Variants in MAPRE2 observed in about 807,000 individuals in gnomAD.
MAPRE2 encodes microtubule associated protein RP/EB family member 2, also known as microtubule-associated protein RP/EB family member 2.
Under a neutral mutation model 43.2 loss-of-function variants are expected in MAPRE2, and 13 were observed. The ratio of observed to expected loss-of-function variants is 0.30; its 90% CI spans 0.20 to 0.48. The LOEUF is 0.48. MAPRE2 is among the 20% of genes least tolerant of loss of function. MAPRE2 has a pLI of 0.99. For missense variants in MAPRE2, 161 were observed against 400.2 expected (o/e 0.40, Z 5.10); for synonymous variants, 135 against 148.8 (o/e 0.91, Z 0.68).
intron 1 of MAPRE2, among the ~76,000 whole-genome samples, chr18:35,041,942 TC>T (rs918698171): frequency 2.6e-5 from 4 of 152,174 alleles, no homozygotes; most frequent in Non-Finnish European, 2.9e-5. Flanking sequence ...CATGCTGTTT[TC>T]CCCCGCTGTC....
At chr18:35,044,281 C>A (rs763241108) in intron 1 of MAPRE2, among the ~76,000 whole-genome samples, 4 of 152,162 alleles carry the variant, frequency 2.6e-5, no homozygotes, top group Non-Finnish European at 5.9e-5. Context: ...CCCAGGCTGG[C>A]ATGTAATGGC....
intron 1 of MAPRE2, among the ~76,000 whole-genome samples, chr18:34,991,534 C>T (rs116512007): frequency 3.3e-5 from 5 of 152,124 alleles, no homozygotes; most frequent in African/African-American, 1.2e-4. Flanking sequence ...TAATCATATT[C>T]CAGAATGCGT....
rs9807507 is a variant in MAPRE2, at chr18:34,996,652, T to C, written c.-69-8840T>C. Among the ~76,000 whole-genome samples, 1,355 of 152,252 alleles carry C rather than the reference T, an allele frequency of 8.9e-3. 25 individuals are homozygous for C. Among genetic ancestry groups the C allele is most frequent in the African/African-American group, 0.031 (1,283 of 41,542 alleles). On this transcript the variant is annotated intron_variant, in intron 1 of 7. Transcript: ENST00000413393. ...ATGGGATAAAGAATAACACCTCTTA[T>C]AGGGTTATTGGGAGGAGTAAATGAG...
intron 4 of MAPRE2, among the ~76,000 whole-genome samples, chr18:35,104,550 G>A (rs1046314018): frequency 2.0e-5 from 3 of 152,012 alleles, no homozygotes; most frequent in Non-Finnish European, 4.4e-5. Flanking sequence ...AGGGGAAATT[G>A]GAGTATGACG....
chr18:34,985,272 A>ATTTT (rs2097019179), intron 1 of MAPRE2, among the ~76,000 whole-genome samples: 1 of 27,872 alleles, frequency 3.6e-5, no homozygotes, highest in African/African-American at 1.3e-4. Context: ...TATATTATAT[A>ATTTT]ATATAATATA....
chr18:35,015,633 AGTGTGT>A (rs3082290), intron 2 of MAPRE2, among the ~76,000 whole-genome samples: 58,387 of 134,662 alleles, frequency 0.43, 13,444 homozygotes, highest in East Asian at 0.56. Flanking sequence ...TAGGGATGGC[AGTGTGT>A]GTGTGTGTGT....
At chr18:34,986,542 A>T (rs1009364730) in intron 1 of MAPRE2, among the ~76,000 whole-genome samples, 1 of 152,092 alleles carries the variant, frequency 6.6e-6, no homozygotes, top group African/African-American at 2.4e-5. Flanking sequence ...CTTGCCCTCT[A>T]TTGTGATTTT....
intron 2 of MAPRE2, among the ~76,000 whole-genome samples, chr18:35,074,008 G>A (rs893102254): frequency 1.3e-5 from 2 of 152,140 alleles, no homozygotes; most frequent in South Asian, 4.2e-4. Context: ...TAATTATATG[G>A]GTATCTGGTT....
intron 3 of MAPRE2, among the ~76,000 whole-genome samples, chr18:35,100,698 T>C (rs1908634925): frequency 6.6e-6 from 1 of 152,194 alleles, no homozygotes; most frequent in Non-Finnish European, 1.5e-5. Flanking sequence ...CTATAATCTT[T>C]ATATGAGTGT....
intron 2 of MAPRE2, among the ~76,000 whole-genome samples, chr18:35,013,563 G>A (rs994713534): frequency 1.3e-5 from 2 of 152,038 alleles, no homozygotes; most frequent in Non-Finnish European, 2.9e-5. Flanking sequence ...GAAACTATAT[G>A]TTATTGTCAA....
intron 1 of MAPRE2, among the ~76,000 whole-genome samples, chr18:35,058,259 T>C (rs1906337871): frequency 6.6e-6 from 1 of 152,228 alleles, no homozygotes. Flanking sequence ...TCCCTTGTCC[T>C]GTTAATAAGC....
chr18:34,998,772 A>ATTTTT (rs67933808), intron 1 of MAPRE2, among the ~76,000 whole-genome samples: 1 of 93,726 alleles, frequency 1.1e-5, no homozygotes, highest in African/African-American at 5.0e-5. Context: ...CGAAGTTGCA[A>ATTTTT]TTTTTTTTTT....
chr18:35,019,836 C>T (rs273351), intron 2 of MAPRE2, among the ~76,000 whole-genome samples: 102,502 of 151,832 alleles, frequency 0.68, 35,913 homozygotes, highest in East Asian at 0.98. Flanking sequence ...TTTTCTATTA[C>T]AGCGTGGAAT....
chr18:35,133,960 C>G (rs952146334), intron 6 of MAPRE2, among the ~76,000 whole-genome samples: 2 of 152,192 alleles, frequency 1.3e-5, no homozygotes, highest in African/African-American at 4.8e-5. Context: ...AGAGCCATTC[C>G]TGCAATGTAC....
chr18:35,119,852 T>A (rs1909594359), intron 4 of MAPRE2, among the ~76,000 whole-genome samples: 1 of 152,250 alleles, frequency 6.6e-6, no homozygotes, highest in South Asian at 2.1e-4. Context: ...GTATTTCAGC[T>A]GTTTTTAGTA....
At position 35,083,770 on chromosome 18, in the gene MAPRE2, G is replaced by T. The variant is rs532487837; in HGVS notation, c.250+13448G>T. Among the ~76,000 whole-genome samples the T allele has an allele frequency of 3.9e-5, 6 of 152,252 alleles. No homozygotes were observed. The South Asian group carries it at 1.2e-3, about 32-fold the overall frequency. ...TGCACCATTAATCAGCAGACGAAAA[G>T]AAATCTGAAACCAATGAGATATTTT... On this transcript the variant is annotated intron_variant, in intron 2 of 6. Transcript: ENST00000300249.
At chr18:35,101,255 T>C (rs1417214386) in intron 3 of MAPRE2, among the ~76,000 whole-genome samples, 2 of 152,192 alleles carry the variant, frequency 1.3e-5, no homozygotes, top group Non-Finnish European at 2.9e-5. Flanking sequence ...TTCTTTTTTT[T>C]CTATTTTTAA....
intron 2 of MAPRE2, among the ~76,000 whole-genome samples, chr18:35,079,338 T>A (rs1907522529): frequency 6.6e-6 from 1 of 152,230 alleles, no homozygotes; most frequent in South Asian, 2.1e-4. Context: ...TTATCACTGT[T>A]TTCCATGTAT....
chr18:35,004,719 C>T (rs1029480898), intron 1 of MAPRE2, among the ~76,000 whole-genome samples: 8 of 152,100 alleles, frequency 5.3e-5, no homozygotes, highest in Non-Finnish European at 1.0e-4. Context: ...AGATCGAGAC[C>T]ACCCTGGCTA....
Sources: allele counts gnomAD v4.1 joint callset (sites outside exome capture counted in the v4.1 genomes callset), GRCh38; gene constraint gnomAD v4.1.1; transcripts MANE v1.5; gene names NCBI Gene and HGNC (gene_info 2026-07-23, HGNC 2026-07-21).